The following VPS13D variants were observed in gnomAD, a reference collection of about 807,000 sequenced individuals.
VPS13D encodes the protein intermembrane lipid transfer protein VPS13D.
In VPS13D, 187 loss-of-function variants were observed where a neutral mutation model predicts 461.9. The observed-to-expected ratio is 0.40, with a 90% confidence interval of 0.36 to 0.46. The LOEUF is 0.46. Among genes scored for constraint, VPS13D ranks in the 20% least tolerant of loss-of-function variants. VPS13D has a pLI of 0.60. For missense variants in VPS13D, 4,711 were observed against 5,364.9 expected (o/e 0.88, Z 3.81); for synonymous variants, 1,951 against 1,986.3 (o/e 0.98, Z 0.47).
chr1:12,353,594 T>TTA (rs913121631), intron 46 of VPS13D, among the ~76,000 whole-genome samples: 9 of 149,838 alleles, frequency 6.0e-5, no homozygotes, highest in African/African-American at 2.0e-4. Context: ...ATGATTCCAC[T>TTA]TATATATATG....
In VPS13D at chr1:12,299,476, T is replaced by G. The variant is rs571776811; in HGVS notation, c.6216+92T>G. The G allele has an allele frequency of 3.5e-6, 5 of 1,414,266 alleles. No homozygotes were observed. The African/African-American group carries it at 7.2e-5, about 20-fold the overall frequency. The allele number at this position is 1,414,266 out of a possible 1,614,324, so 87.6% of individuals were successfully genotyped here. On this transcript the variant is annotated intron_variant, in intron 25 of 69. Transcript: ENST00000620676. This position sits in a 1 kb window ranked among gnomAD's most constrained non-coding sequence, Gnocchi z 4.2. ...ATGCTGCTGTAAGATGATCCATAAT[T>G]GCTATTACTTTTGTAGGGTATGTGG...
At chr1:12,476,886 C>T (rs570150259) in intron 67 of VPS13D, among the ~76,000 whole-genome samples, 1 of 152,292 alleles carries the variant, frequency 6.6e-6, no homozygotes, top group Admixed American at 6.5e-5. Context: ...ACAAGGAAAC[C>T]TTGTGAGGAA....
At chr1:12,338,180 A>C (rs1211578129) in intron 39 of VPS13D, 51 bp from the exon 40 acceptor site, 1 of 1,499,208 alleles carries the variant, frequency 6.7e-7, no homozygotes, top group East Asian at 2.3e-5. Context: ...AAGTCTTCTT[A>C]TTTCACTGTA....
At chr1:12,421,859 C>T (rs1019357037) in intron 65 of VPS13D, among the ~76,000 whole-genome samples, 9 of 152,150 alleles carry the variant, frequency 5.9e-5, no homozygotes, top group South Asian at 2.1e-4. Context: ...CTCACTCTAT[C>T]GCCCAGGCTG....
At chr1:12,436,689 A>G (rs950878544) in intron 65 of VPS13D, among the ~76,000 whole-genome samples, 4 of 151,782 alleles carry the variant, frequency 2.6e-5, no homozygotes, top group Non-Finnish European at 5.9e-5. Context: ...TGTTTTTGAG[A>G]CGGAGGTTTG....
chr1:12,400,609 A>G (rs1419795192), intron 61 of VPS13D, among the ~76,000 whole-genome samples: 3 of 152,154 alleles, frequency 2.0e-5, no homozygotes, highest in Non-Finnish European at 4.4e-5. Flanking sequence ...AAAGTATAGC[A>G]TCTTCTAGAT....
chr1:12,497,304 A>T, intron 67 of VPS13D, 196 bp from the exon 68 acceptor site: 2 of 495,964 alleles, frequency 4.0e-6, no homozygotes, highest in Non-Finnish European at 3.2e-6. Context: ...AAAATGGTAG[A>T]GGCAGGATTC....
At chr1:12,266,157 C>G (rs1641260758) in intron 13 of VPS13D, among the ~76,000 whole-genome samples, 1 of 152,032 alleles carries the variant, frequency 6.6e-6, no homozygotes, top group Non-Finnish European at 1.5e-5. Context: ...AAAGCAAGAC[C>G]TTGTCTCAAA....
intron 67 of VPS13D, among the ~76,000 whole-genome samples, chr1:12,461,363 T>C (rs1187186658): frequency 6.6e-6 from 1 of 152,198 alleles, no homozygotes; most frequent in Admixed American, 6.5e-5. Context: ...GAAAACTTAC[T>C]GAAGACACAT....
intron 66 of VPS13D, among the ~76,000 whole-genome samples, chr1:12,458,030 C>T (rs1163940464): frequency 6.6e-6 from 1 of 152,154 alleles, no homozygotes; most frequent in East Asian, 1.9e-4. Flanking sequence ...GCATGGCTCT[C>T]CTCACTTTCT....
At chr1:12,443,607 C>CT (rs909922871) in intron 65 of VPS13D, among the ~76,000 whole-genome samples, 44 of 151,932 alleles carry the variant, frequency 2.9e-4, no homozygotes, top group African/African-American at 1.1e-3. Context: ...CTTTTCCTGT[C>CT]TTTTTTGCTG....
At chr1:12,244,698 C>T in intron 5 of VPS13D, 81 bp downstream of exon 5, 1 of 1,352,238 alleles carries the variant, frequency 7.4e-7, no homozygotes, top group African/African-American at 1.4e-5. Flanking sequence ...CTTAGTTTCT[C>T]ATTTCTCGTG....
At position 12,242,695 on chromosome 1, in the gene VPS13D, G is replaced by A. The variant is rs868469699; in HGVS notation, c.175+105G>A. 35 of 997,804 alleles carry A rather than the reference G, an allele frequency of 3.5e-5. 1 individual carries two copies. In the Middle Eastern group the frequency reaches 2.9e-3, roughly 84 times the overall value. The allele number at this position is 997,804 out of a possible 1,614,324, so 61.8% of individuals were successfully genotyped here. Reference sequence around the variant, plus strand: ...TATTGATTTGGCCAGTTAGAGGAAGGATATAGCAAATGTTAGAGTTTAGGC... The same window carrying A: ...TATTGATTTGGCCAGTTAGAGGAAGAATATAGCAAATGTTAGAGTTTAGGC... On this transcript the variant is annotated intron_variant, in intron 3 of 69. Transcript: ENST00000620676.
intron 27 of VPS13D, among the ~76,000 whole-genome samples, chr1:12,309,797 T>C (rs1242101710): frequency 6.7e-6 from 1 of 149,372 alleles, no homozygotes; most frequent in East Asian, 2.0e-4. Flanking sequence ...GAAAAACAGG[T>C]TTATTATTTG....
intron 67 of VPS13D, among the ~76,000 whole-genome samples, chr1:12,474,438 C>G (rs1645603382): frequency 6.6e-6 from 1 of 151,916 alleles, no homozygotes. Flanking sequence ...TGACTCCCAC[C>G]AGGACAATCT....
intron 67 of VPS13D, among the ~76,000 whole-genome samples, chr1:12,479,879 A>G (rs1002667691): frequency 1.3e-5 from 2 of 152,200 alleles, no homozygotes; most frequent in African/African-American, 2.4e-5. Flanking sequence ...GGACCCCACA[A>G]TGCGAATGAA....
rs72868290 is a variant in VPS13D at position 12,434,188 on chromosome 1, C to T, written c.12333+17361C>T. 4.5e-3 allele frequency among the ~76,000 whole-genome samples: 679 copies of T among 152,114 alleles called. 5 individuals carry two copies. Among genetic ancestry groups the T allele is most frequent in the African/African-American group, 0.014 (597 of 41,476 alleles). ...ATATACTGTGAAAGACATCTTTTGCCGCAGTCTCCCTGGGAACATCCTGTT... is the reference window on the plus strand; with the variant it reads ...ATATACTGTGAAAGACATCTTTTGCTGCAGTCTCCCTGGGAACATCCTGTT... On this transcript the variant is annotated intron_variant, in intron 65 of 69. Transcript: ENST00000620676.
At chr1:12,266,740 G>A (rs564389015) in intron 13 of VPS13D, 141 bp from the exon 14 acceptor site, 12 of 801,396 alleles carry the variant, frequency 1.5e-5, no homozygotes, top group Non-Finnish European at 2.2e-5. Context: ...AGATAGATAG[G>A]GTTTTTTTGT....
chr1:12,382,660 GCTA>G (rs750520730), intron 57 of VPS13D, among the ~76,000 whole-genome samples: 1 of 152,130 alleles, frequency 6.6e-6, no homozygotes, highest in Non-Finnish European at 1.5e-5. Context: ...GCTAGTTTTG[GCTA>G]CTTTTTTAGA....
Sources: allele counts gnomAD v4.1 joint callset (sites outside exome capture counted in the v4.1 genomes callset), GRCh38; gene constraint gnomAD v4.1.1; non-coding constraint Gnocchi (gnomAD v3.1); transcripts MANE v1.5; gene names NCBI Gene and HGNC (gene_info 2026-07-23, HGNC 2026-07-21).